GALNTL6: variants seen among roughly 807,000 people sequenced by gnomAD.
The protein encoded by GALNTL6 is polypeptide N-acetylgalactosaminyltransferase like 6.
A neutral mutation model predicts 73.7 loss-of-function variants in GALNTL6; 46 were observed. That is an observed-to-expected ratio of 0.62 (90% CI 0.49 to 0.80). The LOEUF (loss-of-function observed/expected upper bound fraction) is 0.80, where lower values mean the gene tolerates loss of function less well. Ranked by LOEUF, GALNTL6 falls within the 30% of genes least tolerant of loss-of-function variation. GALNTL6 has a pLI of 0.00. For synonymous variants in GALNTL6, 259 were observed against 263.7 expected (o/e 0.98, Z 0.17); for missense variants, 604 against 755.0 (o/e 0.80, Z 2.34).
intron 8 of GALNTL6, among the ~76,000 whole-genome samples, chr4:172,898,602 A>C (rs1030295216): frequency 2.0e-5 from 3 of 152,208 alleles, no homozygotes. Context: ...TTCTATTATA[A>C]AATCTAACCA....
chr4:172,035,958 T>C (rs1275542643), intron 2 of GALNTL6, among the ~76,000 whole-genome samples: 1 of 152,032 alleles, frequency 6.6e-6, no homozygotes, highest in African/African-American at 2.4e-5. Context: ...TACAAAGCTA[T>C]AAAATCTTTT....
intron 2 of GALNTL6, among the ~76,000 whole-genome samples, chr4:171,840,132 A>T (rs1735202070): frequency 6.6e-6 from 1 of 152,186 alleles, no homozygotes; most frequent in South Asian, 2.1e-4. Flanking sequence ...ACACAAAGTC[A>T]CCGGCTCGCT....
chr4:172,551,600 T>C (rs1735956221), intron 5 of GALNTL6, among the ~76,000 whole-genome samples: 1 of 152,184 alleles, frequency 6.6e-6, no homozygotes, highest in Admixed American at 6.5e-5. Flanking sequence ...ATGTGATCAG[T>C]ATGTTAGTTT....
At chr4:172,391,599 C>T (rs538031070) in intron 5 of GALNTL6, among the ~76,000 whole-genome samples, 1 of 152,216 alleles carries the variant, frequency 6.6e-6, no homozygotes, top group South Asian at 2.1e-4. Context: ...CTGTTATTAC[C>T]ATCAAATTGG....
chr4:172,654,776 CACA>C (rs1243345117), intron 5 of GALNTL6, among the ~76,000 whole-genome samples: 7 of 152,148 alleles, frequency 4.6e-5, no homozygotes, highest in Non-Finnish European at 1.5e-5. Context: ...AAAGAAAAAC[CACA>C]ACATTTTCTT....
At chr4:172,585,120 C>A (rs1047152163) in intron 5 of GALNTL6, among the ~76,000 whole-genome samples, 1 of 150,086 alleles carries the variant, frequency 6.7e-6, no homozygotes, top group South Asian at 2.1e-4. Context: ...AAAAAAAAAA[C>A]AGTCTAATGA....
intron 5 of GALNTL6, chr4:172,425,287 G>A (rs1731187755): frequency 6.6e-6 from 1 of 152,000 alleles, no homozygotes; most frequent in Non-Finnish European, 1.5e-5. Context: ...TCTGCAGATT[G>A]GTGGAAATCA....
chr4:172,587,249 G>A (rs1443158745), intron 5 of GALNTL6, among the ~76,000 whole-genome samples: 1 of 152,150 alleles, frequency 6.6e-6, no homozygotes, highest in African/African-American at 2.4e-5. Context: ...AAAATACATA[G>A]AAAATGAAGT....
intron 2 of GALNTL6, 51 bp from the exon 3 acceptor site, chr4:172,229,605 T>C: frequency 8.8e-7 from 1 of 1,131,926 alleles, no homozygotes. Context: ...TTACCTACCA[T>C]GCAAAAGGAA....
In GALNTL6 at chr4:172,290,382, A is replaced by T. The variant is rs1034932560; in HGVS notation, c.248-21232A>T. Among the ~76,000 whole-genome samples, 5 of 151,780 alleles carry T rather than the reference A, an allele frequency of 3.3e-5. No homozygotes were observed. The South Asian group carries it at 8.3e-4, about 25-fold the overall frequency. On this transcript the variant is annotated intron_variant, in intron 3 of 12. Coordinates refer to ENST00000506823, the MANE Select transcript of GALNTL6 (RefSeq NM_001034845.3). ...ATTTTTGTGGCTAGTTCTGTAAAGAACCCTTTGTACTTAAATCTAGTTTAT... is the reference window on the plus strand; with the variant it reads ...ATTTTTGTGGCTAGTTCTGTAAAGATCCCTTTGTACTTAAATCTAGTTTAT...
chr4:172,005,839 C>T (rs927766940), intron 2 of GALNTL6, among the ~76,000 whole-genome samples: 1 of 152,072 alleles, frequency 6.6e-6, no homozygotes, highest in African/African-American at 2.4e-5. Flanking sequence ...TGTTTGAATT[C>T]CCCTTTTGTA....
At chr4:172,335,554 G>T (rs1231573252) in intron 4 of GALNTL6, among the ~76,000 whole-genome samples, 1 of 152,088 alleles carries the variant, frequency 6.6e-6, no homozygotes, top group African/African-American at 2.4e-5. Context: ...GGTAGAATTT[G>T]GCTGTGAATT....
intron 2 of GALNTL6, among the ~76,000 whole-genome samples, chr4:172,149,069 T>A (rs1488452964): frequency 6.6e-6 from 1 of 152,222 alleles, no homozygotes; most frequent in Non-Finnish European, 1.5e-5. Context: ...AAAGCTTATT[T>A]GTTAGATAGC....
intron 2 of GALNTL6, among the ~76,000 whole-genome samples, chr4:171,906,183 C>CA (rs1460480876): frequency 2.0e-5 from 3 of 149,408 alleles, no homozygotes; most frequent in African/African-American, 4.9e-5. Flanking sequence ...AAAAACCCTT[C>CA]AAAAAATTAA....
chr4:172,754,527 G>A (rs902035470), intron 5 of GALNTL6, among the ~76,000 whole-genome samples: 17 of 152,148 alleles, frequency 1.1e-4, no homozygotes, highest in African/African-American at 3.9e-4. Context: ...AGCCGAGATC[G>A]CACCATTGCA....
chr4:172,047,284 A>C (rs1217415124), intron 2 of GALNTL6, among the ~76,000 whole-genome samples: 2 of 152,146 alleles, frequency 1.3e-5, no homozygotes, highest in Non-Finnish European at 2.9e-5. Context: ...GTTGAAACAG[A>C]CAACACCATC....
intron 2 of GALNTL6, among the ~76,000 whole-genome samples, chr4:171,861,518 T>C (rs1735830535): frequency 6.6e-6 from 1 of 152,176 alleles, no homozygotes; most frequent in Non-Finnish European, 1.5e-5. Context: ...CTCAGTGCAT[T>C]TAAGCATATC....
chr4:172,961,804 G>A (rs1750069309), intron 10 of GALNTL6, among the ~76,000 whole-genome samples: 1 of 152,186 alleles, frequency 6.6e-6, no homozygotes, highest in South Asian at 2.1e-4. Flanking sequence ...GAGGACCAGA[G>A]GTTGTAGGTG....
intron 5 of GALNTL6, among the ~76,000 whole-genome samples, chr4:172,585,177 A>G (rs1737354278): frequency 1.3e-5 from 2 of 152,114 alleles, no homozygotes; most frequent in South Asian, 4.1e-4. Context: ...TTTTAAAAAT[A>G]AATGTATTAT....
Sources: allele counts gnomAD v4.1 joint callset (sites outside exome capture counted in the v4.1 genomes callset), GRCh38; gene constraint gnomAD v4.1.1; transcripts MANE v1.5; gene names NCBI Gene and HGNC (gene_info 2026-07-23, HGNC 2026-07-21).